The following VWC2 variants were observed in gnomAD, a reference collection of about 807,000 sequenced individuals.
The protein encoded by VWC2 is von Willebrand factor C domain containing 2, also known as brorin.
Under a neutral mutation model 29.8 loss-of-function variants are expected in VWC2, and 14 were observed. That is an observed-to-expected ratio of 0.47 (90% confidence interval 0.31 to 0.74). The LOEUF (loss-of-function observed/expected upper bound fraction) is 0.74, where lower values mean the gene tolerates loss of function less well. Among genes scored for constraint, VWC2 ranks in the 30% least tolerant of loss-of-function variants. The pLI is 0.05. For missense variants in VWC2, 457 were observed against 459.8 expected (o/e 0.99, Z 0.05); for synonymous variants, 213 against 199.0 (o/e 1.07, Z -0.59).
At chr7:49,825,599 G>C (rs989869885) in intron 3 of VWC2, among the ~76,000 whole-genome samples, 3 of 152,158 alleles carry the variant, frequency 2.0e-5, no homozygotes, top group Non-Finnish European at 4.4e-5. Context: ...CAAAGTACTT[G>C]TGCAGTTTAT....
rs556391939 is a variant in VWC2, at chr7:49,918,123, T to C, written c.*5938T>C. The C allele has an allele frequency of 8.5e-5, 13 of 152,334 alleles. No individual in the cohort carries two copies. The highest frequency in any genetic ancestry group is 2.2e-4 in the African/African-American group (9 of 41,594). The allele number at this position is 152,334 out of a possible 1,614,324, so 9.4% of individuals were successfully genotyped here. ...AGTTATGCTAGGTTTCCTTCACTTATTATCACATTTAACCTCACAGTTCTC... is the reference window on the plus strand; with the variant it reads ...AGTTATGCTAGGTTTCCTTCACTTACTATCACATTTAACCTCACAGTTCTC... On this transcript the variant is annotated 3_prime_UTR_variant, in exon 4 of 4. Transcript: ENST00000340652.
intron 3 of VWC2, among the ~76,000 whole-genome samples, chr7:49,865,799 A>G (rs1448954428): frequency 6.6e-6 from 1 of 152,126 alleles, no homozygotes; most frequent in Admixed American, 6.5e-5. Flanking sequence ...AGATATATCA[A>G]CCTTATCCCA....
Position 49,912,093 on chromosome 7 carries a change from G to C in VWC2, c.886G>C (p.Glu296Gln), listed in dbSNP as rs770578022. 5.0e-6 allele frequency: 8 copies of C among 1,614,062 alleles called. No homozygotes were observed. The highest frequency in any genetic ancestry group is 6.8e-6 in the Non-Finnish European group (8 of 1,180,012). Reference protein sequence around the residue: ...IPAGREVKTDECTICHCTYEE... With the variant: ...IPAGREVKTDQCTICHCTYEE... ...TGCTGGCAGAGAAGTGAAGACTGAC[G>C]AGTGCACCATATGCCACTGTACTTA... The change falls in exon 4 of 4, where the codon GAG becomes CAG. Residue 296 changes from glutamate to glutamine, a missense_variant. Physicochemically the swap from Glu to Gln is conservative, Grantham distance 29 (BLOSUM62 2). This residue lies in a region of VWC2 where 185 missense variants were observed against 257.1 expected (regional missense o/e 0.72). Coordinates refer to ENST00000340652, the MANE Select transcript of VWC2 (RefSeq NM_198570.5).
chr7:49,910,553 T>C (rs527606601), intron 3 of VWC2, among the ~76,000 whole-genome samples: 2 of 152,142 alleles, frequency 1.3e-5, no homozygotes, highest in African/African-American at 2.4e-5. Flanking sequence ...CAGTTGCTCA[T>C]AGCTGAATGA....
chr7:49,805,262 A>T (rs1788850677), intron 3 of VWC2, among the ~76,000 whole-genome samples: 1 of 152,216 alleles, frequency 6.6e-6, no homozygotes, highest in Non-Finnish European at 1.5e-5. Flanking sequence ...TTTGAGAGGC[A>T]GTATGGGATG....
At position 49,775,412 on chromosome 7, in the gene VWC2, C is replaced by CTCTTATACACATCTGA; in HGVS notation, c.-24_-23insTCTTATACACATCTGA. 7.8e-7 allele frequency: 1 copy of CTCTTATACACATCTGA among 1,281,580 alleles called. No homozygotes were observed. Among genetic ancestry groups the CTCTTATACACATCTGA allele is most frequent in the Non-Finnish European group, 1.0e-6 (1 of 1,001,440 alleles). 79.4% of individuals were successfully genotyped at this position (1,281,580 alleles called of 1,614,324 possible). A position where few individuals can be genotyped will look rare whatever the true frequency, so the allele number is the denominator to read the frequency against. On this transcript the variant is annotated 5_prime_UTR_variant, in exon 2 of 4. The change abolishes the stop of an existing upstream ORF in the 5' untranslated region. Transcript: ENST00000340652. Reference sequence around the variant, plus strand: ...CCCCTCGGCCGCGCTCCCCGCCCGCCCGCCCGCCGGGACGTGGTAGGGGAT... The same window carrying CTCTTATACACATCTGA: ...CCCCTCGGCCGCGCTCCCCGCCCGCCTCTTATACACATCTGACGCCCGCCGGGACGTGGTAGGGGAT...
At chr7:49,819,480 G>A (rs893224707) in intron 3 of VWC2, among the ~76,000 whole-genome samples, 14 of 152,190 alleles carry the variant, frequency 9.2e-5, no homozygotes, top group Non-Finnish European at 2.9e-5. Flanking sequence ...ATGCTGTGCA[G>A]CCTAAAATGT....
At chr7:49,846,446 G>A (rs911705562) in intron 3 of VWC2, among the ~76,000 whole-genome samples, 1 of 152,116 alleles carries the variant, frequency 6.6e-6, no homozygotes, top group Non-Finnish European at 1.5e-5. Context: ...ACAACATAAA[G>A]TTCTCCCTCA....
intron 3 of VWC2, among the ~76,000 whole-genome samples, chr7:49,828,204 C>G (rs1789448049): frequency 6.6e-6 from 1 of 152,080 alleles, no homozygotes; most frequent in African/African-American, 2.4e-5. Context: ...TATTTTGGTT[C>G]CTTTTTTGGC....
intron 3 of VWC2, among the ~76,000 whole-genome samples, chr7:49,827,369 T>C (rs1258269813): frequency 3.1e-4 from 5 of 16,122 alleles, no homozygotes; most frequent in Non-Finnish European, 9.6e-4. Flanking sequence ...TTTTTTTAAT[T>C]CATATTAATT....
chr7:49,917,218 T>C lies in VWC2; in HGVS notation c.*5033T>C, dbSNP rs942694870. 1 of 152,178 alleles carries C rather than the reference T, an allele frequency of 6.6e-6. No homozygotes were observed. The highest frequency in any genetic ancestry group is 2.4e-5 in the African/African-American group (1 of 41,452). 9.4% of individuals were successfully genotyped at this position (152,178 alleles called of 1,614,324 possible). A position where few individuals can be genotyped will look rare whatever the true frequency, so the allele number is the denominator to read the frequency against. On this transcript the variant is annotated 3_prime_UTR_variant, in exon 4 of 4. Transcript: ENST00000340652. ...GCTTCCATAATCTGAATGATAACCA[T>C]TTAAAAGTGATGGTTGTTGAAATTT...
chr7:49,853,527 T>C (rs1726696016), intron 3 of VWC2, among the ~76,000 whole-genome samples: 1 of 151,838 alleles, frequency 6.6e-6, no homozygotes, highest in Admixed American at 6.5e-5. Flanking sequence ...AGGTCCTAAG[T>C]TTTTGGTTTT....
At chr7:49,869,454 C>T (rs914725365) in intron 3 of VWC2, among the ~76,000 whole-genome samples, 3 of 152,146 alleles carry the variant, frequency 2.0e-5, no homozygotes, top group South Asian at 2.1e-4. Flanking sequence ...GGTAGCAAAT[C>T]GGATATAGGG....
intron 3 of VWC2, among the ~76,000 whole-genome samples, chr7:49,888,078 A>T (rs1333712391): frequency 3.3e-5 from 5 of 152,198 alleles, no homozygotes; most frequent in African/African-American, 1.2e-4. Flanking sequence ...TCTCTGTCCA[A>T]CTCAGAGACT....
intron 2 of VWC2, 65 bp downstream of exon 2, chr7:49,776,196 C>G: frequency 7.4e-7 from 1 of 1,347,492 alleles, no homozygotes. Flanking sequence ...AGCTTTGGTT[C>G]TGTGGTCCCC....
chr7:49,827,185 T>C (rs555354519), intron 3 of VWC2, among the ~76,000 whole-genome samples: 5 of 152,220 alleles, frequency 3.3e-5, no homozygotes, highest in African/African-American at 7.2e-5. Context: ...TGCTTATGAA[T>C]AGGACTCATA....
At chr7:49,832,924 A>C (rs776573558) in intron 3 of VWC2, among the ~76,000 whole-genome samples, 2 of 152,220 alleles carry the variant, frequency 1.3e-5, no homozygotes, top group East Asian at 1.9e-4. Context: ...CCCTGCTCCA[A>C]GGAGATCACA....
chr7:49,777,360 T>C (rs1460626076), intron 2 of VWC2, among the ~76,000 whole-genome samples: 1 of 152,238 alleles, frequency 6.6e-6, no homozygotes, highest in African/African-American at 2.4e-5. Context: ...TATCAAGTGT[T>C]ATATAAGTAC....
chr7:49,834,601 T>C (rs1488226789), intron 3 of VWC2, among the ~76,000 whole-genome samples: 1 of 152,228 alleles, frequency 6.6e-6, no homozygotes, highest in Non-Finnish European at 1.5e-5. Flanking sequence ...CATGAATCCT[T>C]CCTACTGCAA....
Sources: gnomAD v4.1 joint callset for allele counts (sites outside exome capture counted in the v4.1 genomes callset) on GRCh38, gnomAD v4.1.1 for gene constraint, gnomAD v4.1.1 regional missense constraint, MANE v1.5 for transcripts, NCBI Gene and HGNC (gene_info 2026-07-23, HGNC 2026-07-21) for gene names.